The following MCUB variants were observed in gnomAD, a reference collection of about 807,000 sequenced individuals.
MCUB encodes mitochondrial calcium uniporter dominant negative subunit beta.
Under a neutral mutation model 41.4 loss-of-function variants are expected in MCUB, and 46 were observed. The ratio of observed to expected loss-of-function variants is 1.11; its 90% CI spans 0.88 to 1.42. The LOEUF (loss-of-function observed/expected upper bound fraction) is 1.42, where lower values mean the gene tolerates loss of function less well. MCUB is among the 40% of genes most tolerant of loss of function. The pLI is 0.00. For missense variants in MCUB, 403 were observed against 404.9 expected (o/e 1.00, Z 0.04); for synonymous variants, 148 against 148.2 (o/e 1.00, Z 0.01).
intron 1 of MCUB, among the ~76,000 whole-genome samples, chr4:109,597,862 C>T (rs1727613324): frequency 6.6e-6 from 1 of 151,430 alleles, no homozygotes; most frequent in African/African-American, 2.4e-5. Flanking sequence ...GGCAGAGGAT[C>T]TCCTCACTTC....
chr4:109,642,293 G>A (rs1728736890), intron 1 of MCUB, among the ~76,000 whole-genome samples: 2 of 152,136 alleles, frequency 1.3e-5, no homozygotes, highest in African/African-American at 4.8e-5. Flanking sequence ...GAATACTACT[G>A]AGTGAGCCCT....
intron 1 of MCUB, among the ~76,000 whole-genome samples, chr4:109,647,033 T>C (rs974741444): frequency 2.0e-5 from 3 of 152,210 alleles, no homozygotes; most frequent in African/African-American, 7.2e-5. Flanking sequence ...TAGACCATTT[T>C]TTACAGCAGT....
At chr4:109,636,790 G>A (rs754178358) in intron 1 of MCUB, among the ~76,000 whole-genome samples, 7 of 152,112 alleles carry the variant, frequency 4.6e-5, no homozygotes, top group East Asian at 1.9e-4. Context: ...AGCCAAGATC[G>A]TGCCACCGCA....
At chr4:109,661,817 G>C (rs1053351968) in intron 3 of MCUB, among the ~76,000 whole-genome samples, 2 of 152,150 alleles carry the variant, frequency 1.3e-5, no homozygotes, top group Non-Finnish European at 2.9e-5. Context: ...TGGATCACCT[G>C]AGGTCAGGGG....
chr4:109,609,943 C>G (rs1267637501), intron 1 of MCUB, among the ~76,000 whole-genome samples: 1 of 152,142 alleles, frequency 6.6e-6, no homozygotes, highest in East Asian at 1.9e-4. Flanking sequence ...AGAAATCTGC[C>G]TGGTTCTCTG....
At chr4:109,604,807 A>G (rs757668136) in intron 1 of MCUB, among the ~76,000 whole-genome samples, 1 of 152,188 alleles carries the variant, frequency 6.6e-6, no homozygotes, top group Admixed American at 6.5e-5. Context: ...GATGTGATGT[A>G]TCACATTATC....
intron 1 of MCUB, among the ~76,000 whole-genome samples, chr4:109,586,808 G>C (rs2126127799): frequency 6.6e-6 from 1 of 152,288 alleles, no homozygotes; most frequent in East Asian, 1.9e-4. Flanking sequence ...AAATATTGCT[G>C]CCTGATCCTT....
chr4:109,572,550 G>C (rs1726937552), intron 1 of MCUB, among the ~76,000 whole-genome samples: 1 of 152,104 alleles, frequency 6.6e-6, no homozygotes, highest in Non-Finnish European at 1.5e-5. Flanking sequence ...TTAACTAACT[G>C]TATCTCAGAA....
intron 4 of MCUB, among the ~76,000 whole-genome samples, chr4:109,665,391 T>C (rs1382202316): frequency 6.6e-6 from 1 of 152,188 alleles, no homozygotes; most frequent in Non-Finnish European, 1.5e-5. Context: ...TAGCCTATGG[T>C]AAAATTGGTT....
intron 1 of MCUB, among the ~76,000 whole-genome samples, chr4:109,652,217 C>T (rs886788538): frequency 6.6e-6 from 1 of 152,174 alleles, no homozygotes; most frequent in Non-Finnish European, 1.5e-5. Flanking sequence ...AGTACAGTCA[C>T]ATTCTGAGGT....
intron 1 of MCUB, among the ~76,000 whole-genome samples, chr4:109,622,245 AAAG>A (rs1377656170): frequency 2.0e-5 from 3 of 152,234 alleles, no homozygotes; most frequent in Non-Finnish European, 4.4e-5. Flanking sequence ...CTGCTTGTAA[AAAG>A]AACTTGAAGA....
chr4:109,678,445 C>T (rs571636635), intron 4 of MCUB, among the ~76,000 whole-genome samples: 45 of 146,500 alleles, frequency 3.1e-4, no homozygotes, highest in African/African-American at 1.0e-3. Context: ...GATGGGCGGG[C>T]GGGCAGAGAC....
At chr4:109,639,694 A>G (rs116800219) in intron 1 of MCUB, among the ~76,000 whole-genome samples, 16,240 of 152,216 alleles carry the variant, frequency 0.11, 945 homozygotes, top group Non-Finnish European at 0.13. Flanking sequence ...TCTCAAAAAA[A>G]GAAAAAAATA....
chr4:109,665,780 G>A (rs1471456016), intron 4 of MCUB, among the ~76,000 whole-genome samples: 1 of 152,120 alleles, frequency 6.6e-6, no homozygotes, highest in African/African-American at 2.4e-5. Context: ...TGATTGTATA[G>A]CCTTTTCAGA....
chr4:109,583,314 T>G (rs1727228089), intron 1 of MCUB, among the ~76,000 whole-genome samples: 1 of 152,192 alleles, frequency 6.6e-6, no homozygotes, highest in African/African-American at 2.4e-5. Flanking sequence ...TACTTTATTC[T>G]CTTTGAAGCA....
chr4:109,652,527 G>C (rs1218957542), intron 1 of MCUB, among the ~76,000 whole-genome samples: 2 of 152,138 alleles, frequency 1.3e-5, no homozygotes, highest in African/African-American at 4.8e-5. Flanking sequence ...TTGAGAGGTC[G>C]CATCTGGTCA....
Position 109,572,708 on chromosome 4 carries a change from T to C in MCUB, c.99+12272T>C, listed in dbSNP as rs575661313. On this transcript the variant is annotated intron_variant, in intron 1 of 7. Transcript: ENST00000394650. ...TTAATTACGTCACTTATATACTTGG[T>C]TTTTTAATTTGTCAGATTTGGATGT... Among the ~76,000 whole-genome samples the C allele has an allele frequency of 9.9e-5, 15 of 151,900 alleles. No individual in the cohort carries two copies. The South Asian group carries it at 1.7e-3, about 17-fold the overall frequency.
chr4:109,683,024 G>A, intron 5 of MCUB: 1 of 275,046 alleles, frequency 3.6e-6, no homozygotes, highest in South Asian at 6.2e-5. Flanking sequence ...CCTCTCCAGA[G>A]ATCAGTCATA....
At chr4:109,572,452 ATTAAT>A (rs1228034926) in intron 1 of MCUB, among the ~76,000 whole-genome samples, 4 of 152,360 alleles carry the variant, frequency 2.6e-5, no homozygotes, top group South Asian at 4.1e-4. Flanking sequence ...TATCTGGTAC[ATTAAT>A]TTAGTAGCAT....
Sources: allele counts gnomAD v4.1 joint callset (sites outside exome capture counted in the v4.1 genomes callset), GRCh38; gene constraint gnomAD v4.1.1; transcripts MANE v1.5; gene names NCBI Gene and HGNC (gene_info 2026-07-23, HGNC 2026-07-21).